ADGRB3: variants seen among roughly 807,000 people sequenced by gnomAD.
ADGRB3 encodes the protein brain-specific angiogenesis inhibitor 3.
In ADGRB3, 37 loss-of-function variants were observed where a neutral mutation model predicts 193.4. That is an observed-to-expected ratio of 0.19 (90% CI 0.15 to 0.25). The LOEUF is 0.25. ADGRB3 is among the 10% of genes least tolerant of loss of function. The probability of loss-of-function intolerance (pLI) is 1.00; values close to 1 mark genes in which losing one functional copy is unlikely to be tolerated. For synonymous variants in ADGRB3, 690 were observed against 644.2 expected (o/e 1.07, Z -1.08); for missense variants, 1,637 against 1,852.9 (o/e 0.88, Z 2.14).
At chr6:69,034,157 A>C (rs978281334) in intron 13 of ADGRB3, among the ~76,000 whole-genome samples, 4 of 152,084 alleles carry the variant, frequency 2.6e-5, no homozygotes, top group African/African-American at 9.6e-5. Context: ...TCCTCTTTGA[A>C]ATATGAACCT....
At chr6:69,075,560 T>C (rs1442196444) in intron 16 of ADGRB3, among the ~76,000 whole-genome samples, 1 of 152,144 alleles carries the variant, frequency 6.6e-6, no homozygotes, top group Non-Finnish European at 1.5e-5. Context: ...AACTAGAGGC[T>C]GAAGAGGAGG....
rs1426716822 is a variant in ADGRB3 at position 68,635,871 on chromosome 6, G to C, written c.-317G>C. On this transcript the variant is annotated 5_prime_UTR_variant, in exon 1 of 32. Transcript: ENST00000370598. ...ATTTTTAAAAATAAATCCTGATTTTGGAAGCTGAGCCGGGGAAAATGGGCA... is the reference window on the plus strand; with the variant it reads ...ATTTTTAAAAATAAATCCTGATTTTCGAAGCTGAGCCGGGGAAAATGGGCA... 6.6e-6 allele frequency: 1 copy of C among 152,534 alleles called. No individual in the cohort carries two copies. Among genetic ancestry groups the C allele is most frequent in the African/African-American group, 2.4e-5 (1 of 41,292 alleles). 9.4% of individuals were successfully genotyped at this position (152,534 alleles called of 1,614,324 possible).
intron 20 of ADGRB3, among the ~76,000 whole-genome samples, chr6:69,244,564 A>G (rs977999066): frequency 6.6e-6 from 1 of 152,064 alleles, no homozygotes; most frequent in Non-Finnish European, 1.5e-5. Context: ...ATTTACAGCT[A>G]TCCATTCAGT....
At chr6:68,646,382 C>A (rs768427626) in intron 3 of ADGRB3, among the ~76,000 whole-genome samples, 1 of 148,324 alleles carries the variant, frequency 6.7e-6, no homozygotes, top group Non-Finnish European at 1.5e-5. Flanking sequence ...GAGGCTGAGG[C>A]AGGAGAACAG....
At chr6:68,949,023 C>A (rs1419878682) in intron 6 of ADGRB3, among the ~76,000 whole-genome samples, 1 of 151,902 alleles carries the variant, frequency 6.6e-6, no homozygotes, top group Non-Finnish European at 1.5e-5. Flanking sequence ...CTCTATATTA[C>A]AGGATTGACA....
intron 4 of ADGRB3, among the ~76,000 whole-genome samples, chr6:68,934,690 A>G (rs537925524): frequency 3.9e-5 from 6 of 152,096 alleles, no homozygotes; most frequent in Admixed American, 6.6e-5. Flanking sequence ...TAAATTTTCT[A>G]TTGCTAAATT....
At chr6:68,840,041 T>A (rs1354353567) in intron 3 of ADGRB3, among the ~76,000 whole-genome samples, 1 of 152,074 alleles carries the variant, frequency 6.6e-6, no homozygotes, top group East Asian at 1.9e-4. Flanking sequence ...GAATCGCCCA[T>A]CCCAATGGTC....
intron 3 of ADGRB3, among the ~76,000 whole-genome samples, chr6:68,657,245 C>A (rs1768511050): frequency 1.3e-5 from 2 of 151,180 alleles, no homozygotes; most frequent in Admixed American, 1.3e-4. Flanking sequence ...TCCCCAAGTG[C>A]TAAAAACAAA....
chr6:68,717,828 G>A (rs1765512863), intron 3 of ADGRB3, among the ~76,000 whole-genome samples: 1 of 151,672 alleles, frequency 6.6e-6, no homozygotes, highest in Non-Finnish European at 1.5e-5. Flanking sequence ...TCTAGAAAAT[G>A]TGAGGGCAAG....
intron 30 of ADGRB3, among the ~76,000 whole-genome samples, chr6:69,381,553 C>A (rs1186320408): frequency 2.0e-5 from 3 of 151,864 alleles, no homozygotes; most frequent in Non-Finnish European, 4.4e-5. Flanking sequence ...GAAATTAAAG[C>A]TTGCATAGGA....
chr6:68,738,941 G>A (rs1445098799), intron 3 of ADGRB3, among the ~76,000 whole-genome samples: 1 of 152,100 alleles, frequency 6.6e-6, no homozygotes, highest in Non-Finnish European at 1.5e-5. Flanking sequence ...CAACAGATTG[G>A]GGACATGAAG....
intron 11 of ADGRB3, among the ~76,000 whole-genome samples, chr6:69,004,599 T>C (rs550283424): frequency 1.5e-5 from 2 of 134,360 alleles, no homozygotes; most frequent in South Asian, 5.4e-4. Flanking sequence ...GTGTGTGATG[T>C]TCCCCACCCT....
intron 3 of ADGRB3, among the ~76,000 whole-genome samples, chr6:68,827,375 T>C (rs550874172): frequency 3.6e-4 from 54 of 151,914 alleles, no homozygotes; most frequent in African/African-American, 1.3e-3. Context: ...AGTGATTTTT[T>C]AAAAAAATAA....
chr6:69,157,417 A>C (rs1774872900), intron 17 of ADGRB3, among the ~76,000 whole-genome samples: 1 of 152,150 alleles, frequency 6.6e-6, no homozygotes, highest in South Asian at 2.1e-4. Flanking sequence ...CAAAGAAATT[A>C]CTTGATGGTG....
At chr6:69,280,023 G>C (rs538568298) in intron 20 of ADGRB3, among the ~76,000 whole-genome samples, 1 of 152,142 alleles carries the variant, frequency 6.6e-6, no homozygotes. Context: ...CTGTTTTCTG[G>C]CTGGGCTCCC....
chr6:68,777,170 C>A (rs888647676), intron 3 of ADGRB3, among the ~76,000 whole-genome samples: 127 of 152,120 alleles, frequency 8.3e-4, no homozygotes, highest in African/African-American at 2.9e-3. Flanking sequence ...AATATAGAAC[C>A]CCGCACTGTA....
chr6:68,831,303 TAAAAAAA>T (rs60991980), intron 3 of ADGRB3, among the ~76,000 whole-genome samples: 10 of 123,738 alleles, frequency 8.1e-5, no homozygotes, highest in East Asian at 2.3e-4. Flanking sequence ...TGGAGAAGAT[TAAAAAAA>T]AAAAAAAAAA....
chr6:69,316,354 A>G (rs1768311939), intron 20 of ADGRB3, among the ~76,000 whole-genome samples: 1 of 151,504 alleles, frequency 6.6e-6, no homozygotes. Flanking sequence ...GGAAAATAGG[A>G]AACATAGACA....
intron 3 of ADGRB3, among the ~76,000 whole-genome samples, chr6:68,725,536 A>T (rs1170714747): frequency 6.6e-6 from 1 of 151,682 alleles, no homozygotes; most frequent in Non-Finnish European, 1.5e-5. Context: ...GACCAGTTTG[A>T]TGTCAGAGGT....
Sources: gnomAD v4.1 joint callset for allele counts (sites outside exome capture counted in the v4.1 genomes callset) on GRCh38, gnomAD v4.1.1 for gene constraint, MANE v1.5 for transcripts, NCBI Gene and HGNC (gene_info 2026-07-23, HGNC 2026-07-21) for gene names.